The following CFAP299 variants were observed in gnomAD, a reference collection of about 807,000 sequenced individuals.
CFAP299 encodes the protein cilia- and flagella-associated protein 299.
CFAP299 carries 21 observed loss-of-function variants against 27.0 expected under a neutral mutation model. That is an observed-to-expected ratio of 0.78 (90% CI 0.55 to 1.12). CFAP299 has a LOEUF of 1.12. Among genes scored for constraint, CFAP299 ranks in the 50% most tolerant of loss-of-function variants. CFAP299 has a pLI of 0.00. For missense variants in CFAP299, 310 were observed against 276.6 expected (o/e 1.12, Z -0.86); for synonymous variants, 104 against 98.1 (o/e 1.06, Z -0.36).
intron 3 of CFAP299, among the ~76,000 whole-genome samples, chr4:80,788,261 T>C (rs1221728460): frequency 1.3e-5 from 2 of 152,038 alleles, no homozygotes; most frequent in Non-Finnish European, 2.9e-5. Context: ...TTTTAGTCCC[T>C]GAGCACAGTG....
At chr4:80,860,103 T>C (rs1442208575) in intron 3 of CFAP299, among the ~76,000 whole-genome samples, 1 of 152,172 alleles carries the variant, frequency 6.6e-6, no homozygotes, top group African/African-American at 2.4e-5. Flanking sequence ...GGAGGCTTTG[T>C]TCGTTTCTTT....
intron 3 of CFAP299, among the ~76,000 whole-genome samples, chr4:80,602,727 C>T (rs1737420961): frequency 6.6e-6 from 1 of 152,000 alleles, no homozygotes; most frequent in African/African-American, 2.4e-5. Context: ...CTCTGGGGCC[C>T]AGAGGCTTCC....
intron 3 of CFAP299, among the ~76,000 whole-genome samples, chr4:80,725,900 G>C (rs1297636252): frequency 6.6e-6 from 1 of 152,178 alleles, no homozygotes; most frequent in Non-Finnish European, 1.5e-5. Flanking sequence ...ATGAAAGCCA[G>C]TTCTAACTGT....
chr4:80,888,759 A>G (rs1734095423), intron 4 of CFAP299, among the ~76,000 whole-genome samples: 1 of 152,088 alleles, frequency 6.6e-6, no homozygotes, highest in African/African-American at 2.4e-5. Flanking sequence ...AAATTGAAAC[A>G]ATATCAAACA....
At position 80,388,728 on chromosome 4, in the gene CFAP299, T is replaced by C. The variant is rs1725168465; in HGVS notation, c.242+25844T>C. Reference sequence around the variant, plus strand: ...ATCACCTGCACCATCTTGGAGCCCCTATATTTCTTATAATTAATCAATAGA... The same window carrying C: ...ATCACCTGCACCATCTTGGAGCCCCCATATTTCTTATAATTAATCAATAGA... On this transcript the variant is annotated intron_variant, in intron 2 of 5. Transcript: ENST00000358105. The C allele has an allele frequency of 8.6e-6, 5 of 582,826 alleles. No homozygotes were observed. The South Asian group carries it at 1.2e-4, about 14-fold the overall frequency. The allele number at this position is 582,826 out of a possible 1,614,324, so 36.1% of individuals were successfully genotyped here. A position where few individuals can be genotyped will look rare whatever the true frequency, so the allele number is the denominator to read the frequency against.
At chr4:80,897,237 C>A in intron 4 of CFAP299, among the ~76,000 whole-genome samples, 1 of 152,056 alleles carries the variant, frequency 6.6e-6, no homozygotes, top group East Asian at 1.9e-4. Context: ...CATCATTGTA[C>A]AAGAGATTAA....
intron 2 of CFAP299, among the ~76,000 whole-genome samples, chr4:80,405,330 C>A (rs901635372): frequency 6.6e-6 from 1 of 152,056 alleles, no homozygotes; most frequent in Non-Finnish European, 1.5e-5. Context: ...TACTGTATGG[C>A]GTTAGATCAA....
intron 2 of CFAP299, among the ~76,000 whole-genome samples, chr4:80,567,696 T>C (rs941362081): frequency 2.0e-5 from 3 of 150,712 alleles, no homozygotes; most frequent in Non-Finnish European, 3.0e-5. Context: ...TTTCCTTCTA[T>C]GCAATTTTCA....
intron 2 of CFAP299, among the ~76,000 whole-genome samples, chr4:80,447,424 C>T (rs1247449410): frequency 4.0e-5 from 6 of 148,614 alleles, no homozygotes; most frequent in East Asian, 2.0e-4. Flanking sequence ...CGTGAGCCAC[C>T]GCGCCCGGCC....
chr4:80,379,344 C>G (rs1160964475), intron 2 of CFAP299, among the ~76,000 whole-genome samples: 4 of 151,788 alleles, frequency 2.6e-5, no homozygotes, highest in African/African-American at 9.7e-5. Flanking sequence ...TTTTGAAGAA[C>G]CAGCTTTTTA....
intron 3 of CFAP299, among the ~76,000 whole-genome samples, chr4:80,655,499 G>C (rs771184856): frequency 1.3e-5 from 2 of 152,130 alleles, no homozygotes; most frequent in Non-Finnish European, 2.9e-5. Flanking sequence ...TCCTGCAGCT[G>C]TGTTGGCTCC....
intron 2 of CFAP299, among the ~76,000 whole-genome samples, chr4:80,395,952 TAC>T (rs2110042500): frequency 6.6e-6 from 1 of 152,212 alleles, no homozygotes; most frequent in Non-Finnish European, 1.5e-5. Flanking sequence ...TTTCTGCACA[TAC>T]ACACAAATAC....
intron 3 of CFAP299, among the ~76,000 whole-genome samples, chr4:80,823,668 A>T (rs1228564002): frequency 2.0e-5 from 3 of 152,156 alleles, no homozygotes; most frequent in African/African-American, 7.2e-5. Context: ...ACAATAGCTT[A>T]TGCTGACTGA....
At chr4:80,871,455 A>G in intron 4 of CFAP299, 1 of 985,392 alleles carries the variant, frequency 1.0e-6, no homozygotes, top group Non-Finnish European at 1.2e-6. Context: ...CTAATAACTT[A>G]TGGTTTCCAA....
intron 2 of CFAP299, among the ~76,000 whole-genome samples, chr4:80,560,829 T>C (rs1296214468): frequency 6.6e-6 from 1 of 152,114 alleles, no homozygotes; most frequent in Non-Finnish European, 1.5e-5. Context: ...CTAGGCTTTT[T>C]CACTCTAGCC....
chr4:80,819,795 T>C (rs1231043183), intron 3 of CFAP299, among the ~76,000 whole-genome samples: 1 of 152,152 alleles, frequency 6.6e-6, no homozygotes, highest in Non-Finnish European at 1.5e-5. Flanking sequence ...AACAGTCTTA[T>C]ATTAAGCTTA....
At chr4:80,851,197 T>C (rs750052437) in intron 3 of CFAP299, among the ~76,000 whole-genome samples, 1 of 152,128 alleles carries the variant, frequency 6.6e-6, no homozygotes, top group Non-Finnish European at 1.5e-5. Context: ...GAAAATAATG[T>C]CTGGCCAAGC....
chr4:80,887,399 A>G (rs1734024711), intron 4 of CFAP299, among the ~76,000 whole-genome samples: 1 of 152,162 alleles, frequency 6.6e-6, no homozygotes, highest in African/African-American at 2.4e-5. Flanking sequence ...CTCAGTGGAA[A>G]CATTAGGGGC....
At chr4:80,647,741 T>C (rs867814239) in intron 3 of CFAP299, among the ~76,000 whole-genome samples, 11 of 152,188 alleles carry the variant, frequency 7.2e-5, no homozygotes, top group African/African-American at 2.4e-4. Context: ...TGTAATTGAA[T>C]CAAATGTTAT....
Sources: allele counts gnomAD v4.1 joint callset (sites outside exome capture counted in the v4.1 genomes callset), GRCh38; gene constraint gnomAD v4.1.1; transcripts MANE v1.5; gene names NCBI Gene and HGNC (gene_info 2026-07-23, HGNC 2026-07-21).